The following KLHL14 variants were observed in gnomAD, a reference collection of about 807,000 sequenced individuals.
The protein encoded by KLHL14 is kelch-like protein 14.
Under a neutral mutation model 64.3 loss-of-function variants are expected in KLHL14, and 22 were observed. That is an observed-to-expected ratio of 0.34 (90% CI 0.24 to 0.49). KLHL14 has a LOEUF of 0.49. Ranked by LOEUF, KLHL14 falls within the 20% of genes least tolerant of loss-of-function variation. The pLI, the probability that KLHL14 is intolerant of heterozygous loss-of-function variation, is 0.99. For missense variants in KLHL14, 661 were observed against 789.0 expected, an observed-to-expected ratio of 0.84 and a Z score of 1.94; for synonymous variants, 322 against 333.4, an observed-to-expected ratio of 0.97 and a Z score of 0.37.
At chr18:32,727,462 G>A (rs979879289) in intron 3 of KLHL14, among the ~76,000 whole-genome samples, 4 of 152,076 alleles carry the variant, frequency 2.6e-5, no homozygotes, top group African/African-American at 9.7e-5. Flanking sequence ...AATTACATCT[G>A]GAAACTTATT....
At chr18:32,747,872 T>C (rs1051933455) in intron 2 of KLHL14, among the ~76,000 whole-genome samples, 3 of 152,238 alleles carry the variant, frequency 2.0e-5, no homozygotes, top group Non-Finnish European at 4.4e-5. Context: ...ATTAAAATAT[T>C]TTAAACAGCT....
intron 2 of KLHL14, among the ~76,000 whole-genome samples, chr18:32,765,856 A>G (rs2050340171): frequency 6.6e-6 from 1 of 152,152 alleles, no homozygotes; most frequent in African/African-American, 2.4e-5. Flanking sequence ...AAATCTATAA[A>G]TAGACTATGT....
intron 1 of KLHL14, among the ~76,000 whole-genome samples, chr18:32,771,322 G>C (rs970578088): frequency 6.6e-6 from 1 of 152,166 alleles, no homozygotes; most frequent in Admixed American, 6.5e-5. Context: ...GTGCAGCGGA[G>C]CGCGGTGAGG....
intron 4 of KLHL14, among the ~76,000 whole-genome samples, chr18:32,693,377 T>TACACACACAC (rs869067364): frequency 9.6e-4 from 93 of 96,644 alleles, no homozygotes; most frequent in African/African-American, 4.0e-3. Flanking sequence ...AAAGGGATCT[T>TACACACACAC]ACACACACAC....
intron 4 of KLHL14, among the ~76,000 whole-genome samples, chr18:32,692,595 G>A (rs762312460): frequency 2.0e-5 from 3 of 152,212 alleles, no homozygotes; most frequent in Non-Finnish European, 4.4e-5. Flanking sequence ...TTCCTTGTGA[G>A]TGAGTGGGAG....
At chr18:32,699,617 ATTTCACTCTACTGAT>A (rs2049954134) in intron 3 of KLHL14, among the ~76,000 whole-genome samples, 1 of 152,128 alleles carries the variant, frequency 6.6e-6, no homozygotes, top group Non-Finnish European at 1.5e-5. Context: ...GCTCTTATCC[ATTTCACTCTACTGAT>A]TTTCAATAGG....
chr18:32,725,556 G>T (rs542264144), intron 3 of KLHL14, among the ~76,000 whole-genome samples: 1 of 152,162 alleles, frequency 6.6e-6, no homozygotes, highest in African/African-American at 2.4e-5. Flanking sequence ...GTCCCCTTTG[G>T]TGCTTGCCCA....
chr18:32,727,969 A>G (rs1184177324), intron 3 of KLHL14, among the ~76,000 whole-genome samples: 2 of 152,128 alleles, frequency 1.3e-5, no homozygotes, highest in African/African-American at 2.4e-5. Flanking sequence ...TATACACAGA[A>G]AGCAGCGGTA....
intron 3 of KLHL14, among the ~76,000 whole-genome samples, chr18:32,700,404 A>T (rs113871030): frequency 1.3e-5 from 2 of 152,172 alleles, no homozygotes; most frequent in Non-Finnish European, 2.9e-5. Flanking sequence ...TACAGAACAA[A>T]TAAGTCTTCC....
At chr18:32,676,267 A>G (rs539821671) in intron 8 of KLHL14, among the ~76,000 whole-genome samples, 8 of 152,300 alleles carry the variant, frequency 5.3e-5, no homozygotes, top group African/African-American at 1.7e-4. Context: ...TCATTAGCCA[A>G]TTTCAGAATG....
intron 3 of KLHL14, among the ~76,000 whole-genome samples, chr18:32,728,023 T>G (rs1598566252): frequency 6.9e-6 from 1 of 145,800 alleles, no homozygotes; most frequent in East Asian, 1.9e-4. Context: ...TTCTGAAATT[T>G]TCACCTAGAA....
Position 32,680,369 on chromosome 18 carries a change from G to A in KLHL14, c.1429+40C>T, listed in dbSNP as rs1028356579. ...GACATACAAGTCAAGAGAGTGCTTT[G>A]GAACTGAACTTTGTAACAGAAAGTG... On this transcript the variant is annotated intron_variant, in intron 6 of 8. Coordinates refer to ENST00000359358, the MANE Select transcript of KLHL14 (RefSeq NM_020805.3). This position sits in a 1 kb window ranked among gnomAD's most constrained non-coding sequence, Gnocchi z 4.8. The A allele has an allele frequency of 6.2e-7, 1 of 1,613,526 alleles. No homozygotes were observed. The highest frequency in any genetic ancestry group is 1.1e-5 in the South Asian group (1 of 91,072).
intron 2 of KLHL14, among the ~76,000 whole-genome samples, chr18:32,756,730 T>C (rs2144545033): frequency 6.6e-6 from 1 of 152,350 alleles, no homozygotes; most frequent in South Asian, 2.1e-4. Context: ...CATGTCTATT[T>C]TCTCTTTTCA....
intron 2 of KLHL14, among the ~76,000 whole-genome samples, chr18:32,742,634 C>T (rs2050204702): frequency 6.6e-6 from 1 of 152,096 alleles, no homozygotes; most frequent in African/African-American, 2.4e-5. Flanking sequence ...CCTTCTTCCC[C>T]TTCCCCCACT....
chr18:32,766,408 T>A (rs1015520264), intron 2 of KLHL14, among the ~76,000 whole-genome samples: 1 of 152,088 alleles, frequency 6.6e-6, no homozygotes, highest in African/African-American at 2.4e-5. Context: ...ATGCTTTAGA[T>A]GATGTTAATA....
At chr18:32,720,139 C>G (rs2050069965) in intron 3 of KLHL14, among the ~76,000 whole-genome samples, 1 of 152,148 alleles carries the variant, frequency 6.6e-6, no homozygotes, top group Non-Finnish European at 1.5e-5. Context: ...CATGTATTAG[C>G]AAAAACTGGA....
chr18:32,706,457 AAC>A (rs1298216197), intron 3 of KLHL14, among the ~76,000 whole-genome samples: 1 of 152,186 alleles, frequency 6.6e-6, no homozygotes, highest in African/African-American at 2.4e-5. Flanking sequence ...ACTGTTTTTT[AAC>A]TGGCAAAACT....
At chr18:32,767,549 A>T (rs1203879234) in intron 2 of KLHL14, among the ~76,000 whole-genome samples, 2 of 152,214 alleles carry the variant, frequency 1.3e-5, no homozygotes, top group African/African-American at 4.8e-5. Flanking sequence ...AGACACCACT[A>T]CATATCCTTC....
intron 2 of KLHL14, among the ~76,000 whole-genome samples, chr18:32,751,558 G>A (rs2050251993): frequency 6.6e-6 from 1 of 152,132 alleles, no homozygotes; most frequent in African/African-American, 2.4e-5. Flanking sequence ...TCTCAGGTGT[G>A]GCTGAAAATG....
Sources: gnomAD v4.1 joint callset for allele counts (sites outside exome capture counted in the v4.1 genomes callset) on GRCh38, gnomAD v4.1.1 for gene constraint, Gnocchi (gnomAD v3.1) non-coding constraint, MANE v1.5 for transcripts, NCBI Gene and HGNC (gene_info 2026-07-23, HGNC 2026-07-21) for gene names.